Variants in SLIT2 observed in about 807,000 individuals in gnomAD.
SLIT2 encodes slit guidance ligand 2, also known as slit homolog 2 protein.
A neutral mutation model predicts 185.7 loss-of-function variants in SLIT2; 41 were observed. The ratio of observed to expected loss-of-function variants is 0.22; its 90% CI spans 0.17 to 0.29. SLIT2 has a LOEUF of 0.29. Among genes scored for constraint, SLIT2 ranks in the 10% least tolerant of loss-of-function variants. The probability of loss-of-function intolerance (pLI) is 1.00; values close to 1 mark genes in which losing one functional copy is unlikely to be tolerated. For synonymous variants in SLIT2, 693 were observed against 680.2 expected (o/e 1.02, Z -0.29); for missense variants, 1,571 against 1,909.0 (o/e 0.82, Z 3.30).
At position 20,251,912 on chromosome 4, in the gene SLIT2, G is replaced by A. The variant is rs1437429354; in HGVS notation, c.-1904G>A. 6.6e-6 allele frequency among the ~76,000 whole-genome samples: 1 copy of A among 152,174 alleles called. No individual in the cohort carries two copies. The highest frequency in any genetic ancestry group is 1.5e-5 in the Non-Finnish European group (1 of 68,022). On this transcript the variant is annotated 5_prime_UTR_variant, in exon 1 of 37. Coordinates refer to ENST00000504154, the MANE Select transcript of SLIT2 (RefSeq NM_004787.4). ...GCGCCGGCTCAACTTCGGACTTGGT[G>A]TTATTTATTTGGGAAGCGCCCGGAC...
At chr4:20,313,628 A>C (rs771391309) in intron 4 of SLIT2, among the ~76,000 whole-genome samples, 5 of 151,958 alleles carry the variant, frequency 3.3e-5, no homozygotes. Flanking sequence ...GGTGGTCCCC[A>C]ACCTTTTTGG....
chr4:20,572,234 A>C (rs1725666022), intron 29 of SLIT2, among the ~76,000 whole-genome samples: 1 of 151,966 alleles, frequency 6.6e-6, no homozygotes, highest in Admixed American at 6.6e-5. Context: ...TTCTCCATAT[A>C]CTCCAGTTAT....
At chr4:20,411,870 T>C (rs1009400793) in intron 4 of SLIT2, among the ~76,000 whole-genome samples, 2 of 152,110 alleles carry the variant, frequency 1.3e-5, no homozygotes, top group Non-Finnish European at 2.9e-5. Flanking sequence ...GTGCACTCCC[T>C]TGCCAGCGCA....
At chr4:20,537,680 T>C (rs536814832) in intron 18 of SLIT2, among the ~76,000 whole-genome samples, 1 of 152,180 alleles carries the variant, frequency 6.6e-6, no homozygotes, top group Non-Finnish European at 1.5e-5. Flanking sequence ...ACAAGCGTCA[T>C]AGAGCATTTT....
At chr4:20,426,536 C>G (rs571956699) in intron 4 of SLIT2, among the ~76,000 whole-genome samples, 1 of 152,196 alleles carries the variant, frequency 6.6e-6, no homozygotes, top group Non-Finnish European at 1.5e-5. Context: ...GAGAAAGGAT[C>G]TAGAGGTTGA....
Position 20,405,842 on chromosome 4 carries a change from C to T in SLIT2, c.396-61910C>T, listed in dbSNP as rs373402005. ...CTCAATATTAGGACATAAGATGACT[C>T]GAATACATATATTCATATGATAGAA... On this transcript the variant is annotated intron_variant, in intron 4 of 36. Coordinates refer to ENST00000504154, the MANE Select transcript of SLIT2 (RefSeq NM_004787.4). Among the ~76,000 whole-genome samples, 21 of 151,938 alleles carry T rather than the reference C, an allele frequency of 1.4e-4. No individual in the cohort carries two copies. The East Asian group carries it at 3.7e-3, about 27-fold the overall frequency.
chr4:20,501,704 A>C (rs1718752790), intron 9 of SLIT2, among the ~76,000 whole-genome samples: 1 of 152,132 alleles, frequency 6.6e-6, no homozygotes, highest in Non-Finnish European at 1.5e-5. Flanking sequence ...TATAGATGAA[A>C]CCATGCATGT....
At chr4:20,307,252 T>A (rs931234682) in intron 4 of SLIT2, among the ~76,000 whole-genome samples, 2 of 142,420 alleles carry the variant, frequency 1.4e-5, no homozygotes, top group Non-Finnish European at 3.1e-5. Context: ...CCTTCCTTCC[T>A]TCCTTCCTTC....
intron 9 of SLIT2, among the ~76,000 whole-genome samples, chr4:20,504,708 A>G (rs930621390): frequency 3.9e-5 from 6 of 152,136 alleles, no homozygotes; most frequent in Non-Finnish European, 7.4e-5. Context: ...AGATTTATAT[A>G]TACACATATA....
chr4:20,277,587 T>C (rs1317374922), intron 4 of SLIT2, among the ~76,000 whole-genome samples: 3 of 151,586 alleles, frequency 2.0e-5, no homozygotes, highest in African/African-American at 7.2e-5. Context: ...ACATTTTGCA[T>C]CTGTTAAACT....
chr4:20,571,893 T>G lies in SLIT2; in HGVS notation c.3088+2889T>G, dbSNP rs949557377. Reference sequence around the variant, plus strand: ...GGTGACAGTTTTTGTATTTGACACCTATGTCAAGAGTCAGAACGGACATTA... The same window carrying G: ...GGTGACAGTTTTTGTATTTGACACCGATGTCAAGAGTCAGAACGGACATTA... On this transcript the variant is annotated intron_variant, in intron 29 of 36. Coordinates refer to ENST00000504154, the MANE Select transcript of SLIT2 (RefSeq NM_004787.4). Among the ~76,000 whole-genome samples, 5 of 152,364 alleles carry G rather than the reference T, an allele frequency of 3.3e-5. No homozygotes were observed. The South Asian group carries it at 1.0e-3, about 32-fold the overall frequency.
At chr4:20,320,900 A>C (rs941248813) in intron 4 of SLIT2, among the ~76,000 whole-genome samples, 3 of 152,166 alleles carry the variant, frequency 2.0e-5, no homozygotes, top group Non-Finnish European at 4.4e-5. Flanking sequence ...GCAGTGGCCC[A>C]TGCCTGTAAT....
intron 4 of SLIT2, among the ~76,000 whole-genome samples, chr4:20,398,659 C>T (rs1431421153): frequency 6.6e-6 from 1 of 151,630 alleles, no homozygotes; most frequent in African/African-American, 2.4e-5. Context: ...TTTGTCTCCC[C>T]AATACTAGTA....
chr4:20,540,439 G>A (rs938734768), intron 19 of SLIT2, among the ~76,000 whole-genome samples: 1 of 151,998 alleles, frequency 6.6e-6, no homozygotes, highest in Non-Finnish European at 1.5e-5. Flanking sequence ...AATATTTTTT[G>A]TAGACAGCTT....
chr4:20,283,113 C>CCTGTGT (rs1714939141), intron 4 of SLIT2, among the ~76,000 whole-genome samples: 1 of 117,302 alleles, frequency 8.5e-6, no homozygotes, highest in Non-Finnish European at 1.7e-5. Flanking sequence ...TGCCTGTGTG[C>CCTGTGT]GCGCGCGCAC....
chr4:20,487,736 G>A (rs1374684688), intron 7 of SLIT2, among the ~76,000 whole-genome samples: 1 of 152,086 alleles, frequency 6.6e-6, no homozygotes, highest in Non-Finnish European at 1.5e-5. Flanking sequence ...GCAAAACATT[G>A]TGTTCCTTAT....
chr4:20,480,253 A>G (rs1421344801), intron 5 of SLIT2, among the ~76,000 whole-genome samples: 1 of 152,190 alleles, frequency 6.6e-6, no homozygotes, highest in Non-Finnish European at 1.5e-5. Context: ...ACCTAAAAGT[A>G]GTCTTGCTCT....
At chr4:20,318,571 A>G (rs1477469458) in intron 4 of SLIT2, among the ~76,000 whole-genome samples, 1 of 152,126 alleles carries the variant, frequency 6.6e-6, no homozygotes, top group Admixed American at 6.5e-5. Context: ...ATATTTTTTA[A>G]CTTGACCTGT....
rs527699633 is a variant in SLIT2, at chr4:20,576,465, G to A, written c.3088+7461G>A. Among the ~76,000 whole-genome samples the A allele has an allele frequency of 3.9e-5, 6 of 152,282 alleles. No individual in the cohort carries two copies. In the South Asian group the frequency reaches 1.2e-3, roughly 32 times the overall value. ...CTGAAGAGCTCTTGGATTTGGCTGA[G>A]TTGGATTTGTAGATTTTGTGTATAT... On this transcript the variant is annotated intron_variant, in intron 29 of 36. Coordinates refer to ENST00000504154, the MANE Select transcript of SLIT2 (RefSeq NM_004787.4).
Sources: allele counts gnomAD v4.1 joint callset (sites outside exome capture counted in the v4.1 genomes callset), GRCh38; gene constraint gnomAD v4.1.1; transcripts MANE v1.5; gene names NCBI Gene and HGNC (gene_info 2026-07-23, HGNC 2026-07-21).